RBFOX1: variants seen among roughly 807,000 people sequenced by gnomAD.
The protein encoded by RBFOX1 is RNA binding protein fox-1 homolog 1.
Under a neutral mutation model 57.7 loss-of-function variants are expected in RBFOX1, and 8 were observed. The ratio of observed to expected loss-of-function variants is 0.14; its 90% CI spans 0.08 to 0.25. The LOEUF (loss-of-function observed/expected upper bound fraction) is 0.25. Ranked by LOEUF, RBFOX1 falls within the 10% of genes least tolerant of loss-of-function variation. The pLI is 1.00. For missense variants in RBFOX1, 611 were observed against 548.5 expected, an observed-to-expected ratio of 1.11 and a Z score of -1.14; for synonymous variants, 326 against 222.4, an observed-to-expected ratio of 1.47 and a Z score of -4.15.
At chr16:7,135,262 G>T (rs75928892) in intron 4 of RBFOX1, among the ~76,000 whole-genome samples, 5,366 of 152,198 alleles carry the variant, frequency 0.035, 117 homozygotes, top group East Asian at 0.11. Flanking sequence ...TTGGATTAAA[G>T]CAACTAAGTA....
chr16:5,774,991 T>A (rs1406844946), intron 3 of RBFOX1, among the ~76,000 whole-genome samples: 1 of 152,096 alleles, frequency 6.6e-6, no homozygotes, highest in African/African-American at 2.4e-5. Context: ...CTCAGAGGAT[T>A]TAAAATCAAT....
intron 4 of RBFOX1, among the ~76,000 whole-genome samples, chr16:7,420,912 CATATAT>C (rs572840849): frequency 3.5e-5 from 5 of 141,084 alleles, no homozygotes. Flanking sequence ...CATATATATA[CATATAT>C]ATATATACAC....
chr16:6,457,167 C>T (rs745838635), intron 2 of RBFOX1, among the ~76,000 whole-genome samples: 3 of 152,124 alleles, frequency 2.0e-5, no homozygotes, highest in South Asian at 2.1e-4. Flanking sequence ...AACATTGAGA[C>T]GTTTCCCAGA....
At chr16:7,135,903 A>G (rs1429583995) in intron 4 of RBFOX1, among the ~76,000 whole-genome samples, 1 of 152,226 alleles carries the variant, frequency 6.6e-6, no homozygotes, top group Non-Finnish European at 1.5e-5. Flanking sequence ...TGCATCTGGC[A>G]CACAGGTTCA....
chr16:5,402,959 A>T (rs1338293787), intron 1 of RBFOX1, among the ~76,000 whole-genome samples: 1 of 152,240 alleles, frequency 6.6e-6, no homozygotes, highest in Admixed American at 6.5e-5. Flanking sequence ...TTTGGAATTC[A>T]TCGCACAGTA....
At position 5,632,415 on chromosome 16, in the gene RBFOX1, T is replaced by C. The variant is rs1186798402; in HGVS notation, c.318+33454T>C. The C allele has an allele frequency of 2.0e-5, 3 of 152,190 alleles. No individual in the cohort carries two copies. In the East Asian group the frequency reaches 5.8e-4, roughly 29 times the overall value. The allele number at this position is 152,190 out of a possible 1,614,324, so 9.4% of individuals were successfully genotyped here. On this transcript the variant is annotated intron_variant, in intron 3 of 19. Transcript: ENST00000641259. The stretch of plus-strand genomic sequence containing the variant: ...AGATGCTAATAGCTACCCTGTATGT[T>C]GTGGTGAGAATCAAATTAAGCAGAT...
intron 6 of RBFOX1, among the ~76,000 whole-genome samples, chr16:7,585,708 T>G (rs1189288249): frequency 6.6e-6 from 1 of 152,228 alleles, no homozygotes; most frequent in Non-Finnish European, 1.5e-5. Context: ...TACATTTGTT[T>G]CTACTGTTTC....
chr16:6,992,640 G>A (rs965835341), intron 3 of RBFOX1, among the ~76,000 whole-genome samples: 27 of 152,176 alleles, frequency 1.8e-4, no homozygotes, highest in African/African-American at 6.3e-4. Context: ...AGGCAGTTAA[G>A]GATAAAAGTT....
chr16:6,383,018 C>T (rs1276472342), intron 2 of RBFOX1, among the ~76,000 whole-genome samples: 1 of 152,194 alleles, frequency 6.6e-6, no homozygotes, highest in South Asian at 2.1e-4. Context: ...CAGCGAAATC[C>T]TAACAGTGAG....
In RBFOX1 at chr16:6,077,771, C is replaced by T. The variant is rs138796768; in HGVS notation, c.-127+57779C>T. On this transcript the variant is annotated intron_variant, in intron 1 of 15. Transcript: ENST00000550418. ...TTGCTCTGTCACCCAGGCTGGAGTA[C>T]AGTGGTGCAGTCATAGCTCACTGCA... Among the ~76,000 whole-genome samples, 461 of 151,836 alleles carry T rather than the reference C, an allele frequency of 3.0e-3. 4 individuals are homozygous for T. The highest frequency in any genetic ancestry group is 0.011 in the African/African-American group (449 of 41,392).
chr16:5,966,925 A>C (rs527252697), intron 4 of RBFOX1, among the ~76,000 whole-genome samples: 1 of 130,884 alleles, frequency 7.6e-6, no homozygotes, highest in African/African-American at 2.9e-5. Context: ...AAATCACTGA[A>C]GATTTATTTT....
chr16:7,387,935 TG>T (rs2097912336), intron 4 of RBFOX1, among the ~76,000 whole-genome samples: 1 of 152,234 alleles, frequency 6.6e-6, no homozygotes, highest in Non-Finnish European at 1.5e-5. Flanking sequence ...ACGCCATTGT[TG>T]GAAGGGTCAA....
chr16:7,661,742 G>A (rs1426996855), intron 12 of RBFOX1, among the ~76,000 whole-genome samples: 1 of 152,206 alleles, frequency 6.6e-6, no homozygotes, highest in Admixed American at 6.5e-5. Context: ...TTCAGTCACA[G>A]AGAAATAGTA....
chr16:7,696,236 G>C (rs916752523), intron 14 of RBFOX1, among the ~76,000 whole-genome samples: 1 of 152,268 alleles, frequency 6.6e-6, no homozygotes, highest in South Asian at 2.1e-4. Context: ...TTTTCCCAAA[G>C]AATGTGTGCT....
chr16:6,907,211 T>A (rs2070240178), intron 3 of RBFOX1, among the ~76,000 whole-genome samples: 1 of 152,126 alleles, frequency 6.6e-6, no homozygotes, highest in South Asian at 2.1e-4. Flanking sequence ...GGGCCAGGGA[T>A]GTTGTTAAAT....
At chr16:6,811,847 C>G (rs2088693881) in intron 3 of RBFOX1, among the ~76,000 whole-genome samples, 1 of 152,150 alleles carries the variant, frequency 6.6e-6, no homozygotes, top group South Asian at 2.1e-4. Context: ...CGAGATTGTG[C>G]CATTGCACTC....
At chr16:6,300,738 T>C (rs2078719208) in intron 1 of RBFOX1, among the ~76,000 whole-genome samples, 1 of 152,214 alleles carries the variant, frequency 6.6e-6, no homozygotes, top group African/African-American at 2.4e-5. Flanking sequence ...TGACAGTGTT[T>C]TCAATCCATG....
chr16:6,985,296 A>G (rs2089998019), intron 3 of RBFOX1, among the ~76,000 whole-genome samples: 1 of 152,142 alleles, frequency 6.6e-6, no homozygotes, highest in African/African-American at 2.4e-5. Context: ...CATGTCCTTC[A>G]ATTAATTTTG....
At chr16:5,970,527 G>T (rs1040763608) in intron 4 of RBFOX1, among the ~76,000 whole-genome samples, 1 of 152,100 alleles carries the variant, frequency 6.6e-6, no homozygotes, top group African/African-American at 2.4e-5. Flanking sequence ...CACATTTCCA[G>T]TTTCAACCAA....
Sources: gnomAD v4.1 joint callset for allele counts (sites outside exome capture counted in the v4.1 genomes callset) on GRCh38, gnomAD v4.1.1 for gene constraint, MANE v1.5 for transcripts, NCBI Gene and HGNC (gene_info 2026-07-23, HGNC 2026-07-21) for gene names.